CNNM4: variants seen among roughly 807,000 people sequenced by gnomAD.
The protein encoded by CNNM4 is metal transporter CNNM4.
Under a neutral mutation model 53.7 loss-of-function variants are expected in CNNM4, and 32 were observed. That is an observed-to-expected ratio of 0.60 (90% CI 0.45 to 0.80). The LOEUF (loss-of-function observed/expected upper bound fraction) is 0.80. Among genes scored for constraint, CNNM4 ranks in the 30% least tolerant of loss-of-function variants. CNNM4 has a pLI of 0.00. For missense variants in CNNM4, 784 were observed against 1,022.0 expected, an observed-to-expected ratio of 0.77 and a Z score of 3.17; for synonymous variants, 410 against 440.0, an observed-to-expected ratio of 0.93 and a Z score of 0.85.
intron 1 of CNNM4, among the ~76,000 whole-genome samples, chr2:96,789,488 C>T (rs950895984): frequency 2.6e-5 from 4 of 152,108 alleles, no homozygotes; most frequent in African/African-American, 4.8e-5. Flanking sequence ...ACGGTCCCAC[C>T]TGGCTGCTGC....
intron 1 of CNNM4, among the ~76,000 whole-genome samples, chr2:96,795,498 C>A (rs896734875): frequency 1.3e-5 from 2 of 150,094 alleles, no homozygotes; most frequent in Admixed American, 1.3e-4. Context: ...CCCCCCCCCC[C>A]ATCACATGGG....
Position 96,808,608 on chromosome 2 carries a change from A to T in CNNM4, c.1996A>T (p.Ser666Cys). ...CCCACTCAGCCGCTCAGCCTCCCTCAGTTACCCAGACCGCACAGACGTCTC... is the reference window on the plus strand; with the variant it reads ...CCCACTCAGCCGCTCAGCCTCCCTCTGTTACCCAGACCGCACAGACGTCTC... ...PTPLSRSASL[S>C]YPDRTDVSTA... The change falls in exon 6 of 7, where the codon AGT becomes TGT. Residue 666 changes from serine to cysteine, a missense_variant. By Grantham distance (112) the Ser-to-Cys change is moderately radical. Transcript: ENST00000377075. This position sits in a 1 kb window ranked among gnomAD's most constrained non-coding sequence, Gnocchi z 4.9. 1 of 1,614,062 alleles carries T rather than the reference A, an allele frequency of 6.2e-7. No individual in the cohort carries two copies. The highest frequency in any genetic ancestry group is 1.3e-5 in the African/African-American group (1 of 75,004).
intron 5 of CNNM4, among the ~76,000 whole-genome samples, chr2:96,806,640 C>T (rs952385593): frequency 6.6e-6 from 1 of 152,132 alleles, no homozygotes; most frequent in Non-Finnish European, 1.5e-5. Context: ...GAATGGCTAA[C>T]TTAGTAACTT....
chr2:96,765,230 G>A (rs1157871534), intron 1 of CNNM4, among the ~76,000 whole-genome samples: 2 of 149,488 alleles, frequency 1.3e-5, no homozygotes, highest in Non-Finnish European at 3.0e-5. Flanking sequence ...GGGTTAAAGC[G>A]ATTCTTCTGC....
intron 1 of CNNM4, among the ~76,000 whole-genome samples, chr2:96,771,193 G>A (rs144687309): frequency 0.01 from 1,545 of 152,142 alleles, 30 homozygotes; most frequent in African/African-American, 0.035. Context: ...ATGTACTGTC[G>A]TGGAGAGGGT....
At chr2:96,767,142 G>A (rs1359135376) in intron 1 of CNNM4, among the ~76,000 whole-genome samples, 8 of 152,254 alleles carry the variant, frequency 5.3e-5, no homozygotes, top group Admixed American at 2.6e-4. Context: ...GGTAGGGGCC[G>A]AGTGTCCCTA....
At chr2:96,783,991 T>G (rs2078996259) in intron 1 of CNNM4, among the ~76,000 whole-genome samples, 1 of 152,248 alleles carries the variant, frequency 6.6e-6, no homozygotes, top group Non-Finnish European at 1.5e-5. Context: ...AAATACACAG[T>G]TAACAGTAGT....
intron 1 of CNNM4, among the ~76,000 whole-genome samples, chr2:96,769,434 G>A (rs1402589148): frequency 6.6e-6 from 1 of 151,650 alleles, no homozygotes; most frequent in South Asian, 2.1e-4. Context: ...GCGTGGTGGT[G>A]GGTGCCTGTA....
rs1269835667 is a variant in CNNM4 at position 96,809,515 on chromosome 2, T to C, written c.2326T>C (p.Ter776ArgextTer38). ...CAAAGCCTCCCACGAGAATGCCATC[T>C]GACAGGAGGGCCCGGGGCCCCCTGC... ...LHKASHENAI[*>R] Residue 776 changes from the stop codon to arginine, a stop_lost, in exon 7 of 7, where the codon TGA becomes CGA. Transcript: ENST00000377075. 2 of 1,614,118 alleles carry C rather than the reference T, an allele frequency of 1.2e-6. No homozygotes were observed. The highest frequency in any genetic ancestry group is 1.7e-5 in the Admixed American group (1 of 60,020).
intron 1 of CNNM4, among the ~76,000 whole-genome samples, chr2:96,777,021 C>CT (rs982584057): frequency 1.5e-4 from 22 of 149,192 alleles, no homozygotes; most frequent in Non-Finnish European, 2.4e-4. Context: ...TAACTGTTTT[C>CT]TTTTTTTTTT....
chr2:96,809,155 T>G, intron 6 of CNNM4, 165 bp from the exon 7 acceptor site: 1 of 1,472,558 alleles, frequency 6.8e-7, no homozygotes, highest in Non-Finnish European at 9.1e-7. Context: ...AGATGCTTTC[T>G]TCTCTTGTTC....
intron 1 of CNNM4, among the ~76,000 whole-genome samples, chr2:96,774,185 TA>T (rs1373952732): frequency 6.6e-6 from 1 of 152,148 alleles, no homozygotes; most frequent in Non-Finnish European, 1.5e-5. Flanking sequence ...AGCACAGCTC[TA>T]TTTGCCAGTC....
Position 96,797,432 on chromosome 2 carries a change from CA to C in CNNM4, c.1547-80del. On this transcript the variant is annotated intron_variant, in intron 2 of 6. Transcript: ENST00000377075. The surrounding 1 kb of genome is among the most constrained non-coding windows in gnomAD (Gnocchi z 6.0). ...CTGCGTGGGACTAGGGGCTGGAGAG[CA>C]GGAGCTGCGGGGCGGGTTCCAGTCT... The C allele has an allele frequency of 6.3e-7, 1 of 1,580,096 alleles. No homozygotes were observed. The highest frequency in any genetic ancestry group is 8.6e-7 in the Non-Finnish European group (1 of 1,159,350).
In CNNM4 at chr2:96,808,864, G is replaced by A. The variant is rs919456123; in HGVS notation, c.2130+122G>A. 1.0e-6 allele frequency: 1 copy of A among 993,946 alleles called. No individual in the cohort carries two copies. The highest frequency in any genetic ancestry group is 1.5e-6 in the Non-Finnish European group (1 of 646,546). The allele number at this position is 993,946 out of a possible 1,614,324, so 61.6% of individuals were successfully genotyped here. A position where few individuals can be genotyped will look rare whatever the true frequency, so the allele number is the denominator to read the frequency against. Reference sequence around the variant, plus strand: ...CGAGATGCCTTTTTCTTCTGGAGATGGGGTCTTGCTCTGTCGCCCAGGCTG... The same window carrying A: ...CGAGATGCCTTTTTCTTCTGGAGATAGGGTCTTGCTCTGTCGCCCAGGCTG... On this transcript the variant is annotated intron_variant, in intron 6 of 6. Coordinates refer to ENST00000377075, the MANE Select transcript of CNNM4 (RefSeq NM_020184.4). The surrounding 1 kb of genome is among the most constrained non-coding windows in gnomAD (Gnocchi z 4.9).
At position 96,800,199 on chromosome 2, in the gene CNNM4, C is replaced by T. The variant is rs187932403; in HGVS notation, c.1948+551C>T. 5.9e-5 allele frequency among the ~76,000 whole-genome samples: 9 copies of T among 152,108 alleles called. No individual in the cohort carries two copies. The highest frequency in any genetic ancestry group is 1.9e-4 in the African/African-American group (8 of 41,480). ...CCTCCGAGAGGTGTTATGGAAGGTC[C>T]GGGGATGCGCCACTCTGGCCGCCCC... On this transcript the variant is annotated intron_variant, in intron 5 of 6. Coordinates refer to ENST00000377075, the MANE Select transcript of CNNM4 (RefSeq NM_020184.4). This position sits in a 1 kb window ranked among gnomAD's most constrained non-coding sequence, Gnocchi z 4.6.
intron 1 of CNNM4, among the ~76,000 whole-genome samples, chr2:96,763,044 G>A (rs1249218198): frequency 6.6e-6 from 1 of 152,098 alleles, no homozygotes; most frequent in South Asian, 2.1e-4. Flanking sequence ...GTTACTGGAG[G>A]TGCTAGCCCA....
intron 1 of CNNM4, among the ~76,000 whole-genome samples, chr2:96,763,433 G>A (rs566558471): frequency 1.3e-5 from 2 of 152,322 alleles, no homozygotes; most frequent in South Asian, 4.1e-4. Flanking sequence ...GAAGTGAGGA[G>A]GCAGAAAGGG....
chr2:96,790,189 G>T (rs1378099476), intron 1 of CNNM4, among the ~76,000 whole-genome samples: 2 of 149,178 alleles, frequency 1.3e-5, no homozygotes, highest in African/African-American at 2.5e-5. Context: ...TGTATTTTTA[G>T]TAGAGATGGG....
chr2:96,791,116 T>A, intron 1 of CNNM4, among the ~76,000 whole-genome samples: 1 of 131,792 alleles, frequency 7.6e-6, no homozygotes. Context: ...TGAGACTCTG[T>A]CTCAAAAAAA....
Sources: gnomAD v4.1 joint callset for allele counts (sites outside exome capture counted in the v4.1 genomes callset) on GRCh38, gnomAD v4.1.1 for gene constraint, Gnocchi (gnomAD v3.1) non-coding constraint, MANE v1.5 for transcripts, NCBI Gene and HGNC (gene_info 2026-07-23, HGNC 2026-07-21) for gene names.